Variants in CORO2B observed in about 807,000 individuals in gnomAD.
The protein encoded by CORO2B is coronin 2B, also known as coronin-2B.
A neutral mutation model predicts 58.8 loss-of-function variants in CORO2B; 26 were observed. That is an observed-to-expected ratio of 0.44 (90% CI 0.32 to 0.61). The LOEUF (loss-of-function observed/expected upper bound fraction) is 0.61, where lower values mean the gene tolerates loss of function less well. CORO2B is among the 20% of genes least tolerant of loss of function. CORO2B has a pLI of 0.04. For synonymous variants in CORO2B, 242 were observed against 253.8 expected (o/e 0.95, Z 0.44); for missense variants, 460 against 645.1 (o/e 0.71, Z 3.11).
chr15:68,580,756 G>A (rs1331593604), intron 1 of CORO2B, among the ~76,000 whole-genome samples: 1 of 152,098 alleles, frequency 6.6e-6, no homozygotes, highest in South Asian at 2.1e-4. Flanking sequence ...AGGAGTAATG[G>A]ATGGGCCCGG....
intron 1 of CORO2B, among the ~76,000 whole-genome samples, chr15:68,614,021 G>A (rs904688009): frequency 5.3e-5 from 8 of 152,158 alleles, no homozygotes; most frequent in South Asian, 2.1e-4. Context: ...AATCATCACC[G>A]TGCCTTAAAG....
At chr15:68,604,981 GCA>G (rs1900071202) in intron 1 of CORO2B, among the ~76,000 whole-genome samples, 1 of 152,108 alleles carries the variant, frequency 6.6e-6, no homozygotes, top group South Asian at 2.1e-4. Context: ...AGGCATGGTG[GCA>G]CACACCTGTA....
intron 2 of CORO2B, among the ~76,000 whole-genome samples, chr15:68,654,936 C>T (rs1901757354): frequency 6.6e-6 from 1 of 152,176 alleles, no homozygotes; most frequent in Non-Finnish European, 1.5e-5. Context: ...GGGGAAGGTA[C>T]CCATAGGCAA....
At chr15:68,572,348 C>T in the CORO2B span, among the ~76,000 whole-genome samples, 4 of 152,208 alleles carry the variant, frequency 2.6e-5, no homozygotes, top group South Asian at 2.1e-4. Context: ...CGTTACCTGC[C>T]GCTTGCCTTG....
the CORO2B span, among the ~76,000 whole-genome samples, chr15:68,549,181 C>T: frequency 2.0e-5 from 3 of 152,142 alleles, no homozygotes; most frequent in Non-Finnish European, 2.9e-5. Context: ...CAGAAACAAC[C>T]ACTGTTCATG....
chr15:68,661,737 T>C (rs949928319), intron 2 of CORO2B, among the ~76,000 whole-genome samples: 3 of 152,208 alleles, frequency 2.0e-5, no homozygotes, highest in African/African-American at 7.2e-5. Context: ...CCTGGCGTGG[T>C]AGCTCACGCC....
chr15:68,525,104 G>A, the CORO2B span, among the ~76,000 whole-genome samples: 2 of 152,198 alleles, frequency 1.3e-5, no homozygotes, highest in South Asian at 4.1e-4. Context: ...GCCACTCTCA[G>A]ACAGGCAGCT....
At chr15:68,607,569 A>G (rs992579486) in intron 1 of CORO2B, among the ~76,000 whole-genome samples, 12 of 152,142 alleles carry the variant, frequency 7.9e-5, no homozygotes, top group African/African-American at 2.7e-4. Flanking sequence ...TGTGATCCCA[A>G]CACTTCAGGA....
At chr15:68,690,895 T>A (rs1403840579) in intron 2 of CORO2B, among the ~76,000 whole-genome samples, 1 of 147,312 alleles carries the variant, frequency 6.8e-6, no homozygotes, top group Non-Finnish European at 1.5e-5. Flanking sequence ...GCTTAAACGA[T>A]CCACCTGCCT....
At chr15:68,646,416 G>A (rs938362239) in intron 2 of CORO2B, among the ~76,000 whole-genome samples, 1 of 152,172 alleles carries the variant, frequency 6.6e-6, no homozygotes, top group Non-Finnish European at 1.5e-5. Context: ...GGAAGCCTTG[G>A]TTCTCAAAAT....
the CORO2B span, among the ~76,000 whole-genome samples, chr15:68,565,136 T>C: frequency 8.5e-5 from 13 of 152,182 alleles, no homozygotes; most frequent in Non-Finnish European, 1.2e-4. Flanking sequence ...TGCTTTACTG[T>C]CTACTGAACA....
At chr15:68,679,284 C>A (rs537269613) in intron 2 of CORO2B, among the ~76,000 whole-genome samples, 3 of 152,312 alleles carry the variant, frequency 2.0e-5, no homozygotes, top group African/African-American at 7.2e-5. Context: ...TAACCCCAGA[C>A]TGGCAGAGCT....
At chr15:68,706,867 A>G (rs1892797834) in intron 3 of CORO2B, among the ~76,000 whole-genome samples, 1 of 152,122 alleles carries the variant, frequency 6.6e-6, no homozygotes, top group African/African-American at 2.4e-5. Context: ...GCATGCCACC[A>G]CATCCAGCTA....
chr15:68,715,622 C>T (rs903607896), intron 8 of CORO2B, among the ~76,000 whole-genome samples: 8 of 152,162 alleles, frequency 5.3e-5, no homozygotes, highest in Admixed American at 1.3e-4. Context: ...GAAGTGGTCC[C>T]GTAACTAGAG....
At chr15:68,638,389 A>C (rs1303341962) in intron 1 of CORO2B, among the ~76,000 whole-genome samples, 1 of 152,246 alleles carries the variant, frequency 6.6e-6, no homozygotes. Context: ...ACTTCATTGT[A>C]TCCAGTGAGC....
At chr15:68,723,516 A>G (rs893120045) in intron 11 of CORO2B, among the ~76,000 whole-genome samples, 1 of 151,678 alleles carries the variant, frequency 6.6e-6, no homozygotes, top group African/African-American at 2.4e-5. Context: ...GTGCAGTGGC[A>G]TGATCTCGGC....
chr15:68,697,775 G>T (rs1190892238), intron 3 of CORO2B, among the ~76,000 whole-genome samples: 1 of 152,256 alleles, frequency 6.6e-6, no homozygotes, highest in Non-Finnish European at 1.5e-5. Context: ...TTCACCGGTT[G>T]CTTCCTGGGC....
the CORO2B span, among the ~76,000 whole-genome samples, chr15:68,558,423 A>G: frequency 6.6e-6 from 1 of 152,064 alleles, no homozygotes; most frequent in East Asian, 1.9e-4. Flanking sequence ...GCTGGAGTGC[A>G]GTGGCACAAT....
chr15:68,676,756 T>C (rs1467539685), intron 2 of CORO2B, among the ~76,000 whole-genome samples: 1 of 151,914 alleles, frequency 6.6e-6, no homozygotes, highest in Non-Finnish European at 1.5e-5. Context: ...CCAAGATCTG[T>C]GTTTTTTGTT....
Sources: allele counts gnomAD v4.1 joint callset (sites outside exome capture counted in the v4.1 genomes callset), GRCh38; gene constraint gnomAD v4.1.1; transcripts MANE v1.5; gene names NCBI Gene and HGNC (gene_info 2026-07-23, HGNC 2026-07-21).